The following PDIA5 variants were observed in gnomAD, a reference collection of about 807,000 sequenced individuals.
PDIA5 encodes protein disulfide-isomerase A5.
A neutral mutation model predicts 77.6 loss-of-function variants in PDIA5; 58 were observed. The ratio of observed to expected loss-of-function variants is 0.75; its 90% CI spans 0.61 to 0.93. The LOEUF (loss-of-function observed/expected upper bound fraction) is 0.93, where lower values mean the gene tolerates loss of function less well. Among genes scored for constraint, PDIA5 ranks in the 40% least tolerant of loss-of-function variants. The probability of loss-of-function intolerance (pLI) is 0.00; values close to 1 mark genes in which losing one functional copy is unlikely to be tolerated. For synonymous variants in PDIA5, 250 were observed against 252.1 expected, an observed-to-expected ratio of 0.99 and a Z score of 0.08; for missense variants, 630 against 647.7, an observed-to-expected ratio of 0.97 and a Z score of 0.30.
At chr3:123,140,849 G>A (rs733008) in intron 11 of PDIA5, among the ~76,000 whole-genome samples, 96,518 of 152,102 alleles carry the variant, frequency 0.63, 31,677 homozygotes, top group African/African-American at 0.81. Flanking sequence ...TGCGAGCTGC[G>A]GAAACTGGAG....
intron 13 of PDIA5, among the ~76,000 whole-genome samples, chr3:123,147,859 G>A (rs573373910): frequency 1.5e-4 from 23 of 152,270 alleles, no homozygotes; most frequent in African/African-American, 2.4e-4. Flanking sequence ...TGGGTGGGGC[G>A]GGGGATCTGG....
Position 123,067,390 on chromosome 3 carries a change from C to T in PDIA5, c.42+184C>T, listed in dbSNP as rs115401998. Reference sequence around the variant, plus strand: ...CGGGAGACAGCGGGCGTCCCGGTGCCCTCGCCGCCAAGCGCTCCCGGACGC... The same window carrying T: ...CGGGAGACAGCGGGCGTCCCGGTGCTCTCGCCGCCAAGCGCTCCCGGACGC... On this transcript the variant is annotated intron_variant, in intron 1 of 16. Coordinates refer to ENST00000316218, the MANE Select transcript of PDIA5 (RefSeq NM_006810.4). 3.6e-3 allele frequency: 1,780 copies of T among 499,194 alleles called. 21 individuals carry two copies. The highest frequency in any genetic ancestry group is 0.032 in the African/African-American group (1,598 of 50,634). 30.9% of individuals were successfully genotyped at this position (499,194 alleles called of 1,614,324 possible).
At chr3:123,079,363 G>A (rs1326196192) in intron 1 of PDIA5, among the ~76,000 whole-genome samples, 3 of 151,992 alleles carry the variant, frequency 2.0e-5, no homozygotes, top group African/African-American at 7.2e-5. Context: ...TGTATTTTTA[G>A]TAGAGACGGG....
chr3:123,160,068 T>A (rs1323703459), intron 15 of PDIA5, among the ~76,000 whole-genome samples: 1 of 152,268 alleles, frequency 6.6e-6, no homozygotes, highest in African/African-American at 2.4e-5. Flanking sequence ...ATCTAATTTG[T>A]CATACAGCAG....
At chr3:123,118,467 A>G (rs1182669521) in intron 8 of PDIA5, among the ~76,000 whole-genome samples, 1 of 152,070 alleles carries the variant, frequency 6.6e-6, no homozygotes, top group Non-Finnish European at 1.5e-5. Flanking sequence ...TATTCCAGCC[A>G]GACCCACTGA....
chr3:123,149,648 C>T (rs1935841484), intron 13 of PDIA5, among the ~76,000 whole-genome samples: 1 of 152,052 alleles, frequency 6.6e-6, no homozygotes, highest in Non-Finnish European at 1.5e-5. Context: ...ATATTAGTTC[C>T]TTGACTGAGT....
intron 14 of PDIA5, among the ~76,000 whole-genome samples, chr3:123,151,857 C>T (rs1296493667): frequency 7.0e-6 from 1 of 143,742 alleles, no homozygotes; most frequent in Admixed American, 6.9e-5. Flanking sequence ...TCCTTCCTGC[C>T]CTCCTTCCTT....
chr3:123,152,266 G>C (rs1199053106), intron 14 of PDIA5, among the ~76,000 whole-genome samples: 3 of 152,184 alleles, frequency 2.0e-5, no homozygotes, highest in African/African-American at 7.2e-5. Flanking sequence ...AAGGGAGGGA[G>C]ACATGTCCCT....
chr3:123,160,000 T>G (rs1208187090), intron 15 of PDIA5, among the ~76,000 whole-genome samples: 1 of 152,258 alleles, frequency 6.6e-6, no homozygotes, highest in African/African-American at 2.4e-5. Context: ...TTAAATTATC[T>G]TATTGAATCA....
At chr3:123,153,559 A>G (rs537443506) in intron 14 of PDIA5, among the ~76,000 whole-genome samples, 1 of 152,336 alleles carries the variant, frequency 6.6e-6, no homozygotes, top group African/African-American at 2.4e-5. Context: ...TGCTAGGCAC[A>G]TTGCTAAGCT....
At chr3:123,120,610 C>T (rs984304373) in intron 8 of PDIA5, among the ~76,000 whole-genome samples, 4 of 152,194 alleles carry the variant, frequency 2.6e-5, no homozygotes, top group East Asian at 1.9e-4. Flanking sequence ...TTCAACAAAA[C>T]GTAGCTCCAT....
chr3:123,125,365 A>G (rs1421659936), intron 10 of PDIA5, among the ~76,000 whole-genome samples: 2 of 152,110 alleles, frequency 1.3e-5, no homozygotes, highest in Non-Finnish European at 2.9e-5. Flanking sequence ...CGTTCTCTTC[A>G]TTTTATGAAT....
intron 5 of PDIA5, among the ~76,000 whole-genome samples, chr3:123,106,404 C>T (rs1366223347): frequency 2.0e-5 from 3 of 152,322 alleles, no homozygotes; most frequent in African/African-American, 7.2e-5. Flanking sequence ...AGTAGAAGCA[C>T]TAGTATGTCT....
At chr3:123,103,142 G>T (rs1301147719) in intron 5 of PDIA5, among the ~76,000 whole-genome samples, 1 of 152,204 alleles carries the variant, frequency 6.6e-6, no homozygotes, top group Non-Finnish European at 1.5e-5. Context: ...CCCTCAGGCT[G>T]GATGCCCAGG....
chr3:123,067,384 C>G (rs1336423025), intron 1 of PDIA5, 178 bp downstream of exon 1: 2 of 519,290 alleles, frequency 3.9e-6, no homozygotes, highest in Non-Finnish European at 5.9e-6. Flanking sequence ...GCGGGCGTCC[C>G]GGTGCCCTCG....
At position 123,146,122 on chromosome 3, in the gene PDIA5, C is replaced by T. The variant is rs377099133; in HGVS notation, c.1005C>T (p.Val335=). ...AGAGCTCTGGTGTCCTTGCAGCTGTCGATGCCACTGTCAACAAGGCCCTGG... is the reference window on the plus strand; with the variant it reads ...AGAGCTCTGGTGTCCTTGCAGCTGTTGATGCCACTGTCAACAAGGCCCTGG... ...EADSSGVLAA[V]DATVNKALAE... Residue 335 remains valine (V), a synonymous_variant, in exon 13 of 17, where the codon GTC becomes GTT. Coordinates refer to ENST00000316218, the MANE Select transcript of PDIA5 (RefSeq NM_006810.4). 1.2e-4 allele frequency: 196 copies of T among 1,614,030 alleles called. No homozygotes were observed. Among genetic ancestry groups the T allele is most frequent in the Non-Finnish European group, 1.6e-4 (185 of 1,180,010 alleles).
intron 11 of PDIA5, among the ~76,000 whole-genome samples, chr3:123,133,441 C>T (rs1451317352): frequency 6.6e-6 from 1 of 152,232 alleles, no homozygotes; most frequent in African/African-American, 2.4e-5. Flanking sequence ...CTCCAGATCG[C>T]TGAATGCGCC....
intron 1 of PDIA5, 110 bp from the exon 2 acceptor site, chr3:123,089,058 C>T: frequency 9.4e-7 from 1 of 1,058,216 alleles, no homozygotes; most frequent in Non-Finnish European, 1.4e-6. Context: ...GTTGGTTTGC[C>T]CTCATCCTCT....
At chr3:123,154,895 C>G (rs573611338) in intron 14 of PDIA5, 76 bp from the exon 15 acceptor site, 1 of 972,766 alleles carries the variant, frequency 1.0e-6, no homozygotes, top group South Asian at 1.3e-5. Context: ...CTGGAGCTTT[C>G]AGGAAGGGTC....
Sources: allele counts gnomAD v4.1 joint callset (sites outside exome capture counted in the v4.1 genomes callset), GRCh38; gene constraint gnomAD v4.1.1; transcripts MANE v1.5; gene names NCBI Gene and HGNC (gene_info 2026-07-23, HGNC 2026-07-21).